SLCO6A1: variants seen among roughly 807,000 people sequenced by gnomAD.
SLCO6A1 encodes solute carrier organic anion transporter family member 6A1, also known as cancer/testis antigen 48.
A neutral mutation model predicts 72.7 loss-of-function variants in SLCO6A1; 65 were observed. The ratio of observed to expected loss-of-function variants is 0.89; its 90% CI spans 0.73 to 1.10. The LOEUF is 1.10. Among genes scored for constraint, SLCO6A1 ranks in the 50% least tolerant of loss-of-function variants. The probability of loss-of-function intolerance (pLI) is 0.00; values close to 1 mark genes in which losing one functional copy is unlikely to be tolerated. For missense variants in SLCO6A1, 874 were observed against 872.6 expected, an observed-to-expected ratio of 1.00 and a Z score of -0.02; for synonymous variants, 314 against 298.2, an observed-to-expected ratio of 1.05 and a Z score of -0.55.
chr5:102,485,177 G>A (rs1255849606), intron 1 of SLCO6A1, among the ~76,000 whole-genome samples: 3 of 152,004 alleles, frequency 2.0e-5, no homozygotes, highest in Non-Finnish European at 4.4e-5. Flanking sequence ...TTTGAACCTG[G>A]GAGGCGGAGG....
intron 6 of SLCO6A1, among the ~76,000 whole-genome samples, chr5:102,451,674 G>T (rs1750426478): frequency 6.6e-6 from 1 of 152,162 alleles, no homozygotes; most frequent in South Asian, 2.1e-4. Context: ...CCTCCGTGGG[G>T]AGCCTACCAT....
intron 6 of SLCO6A1, among the ~76,000 whole-genome samples, chr5:102,442,514 A>T (rs1284371332): frequency 1.3e-5 from 2 of 152,252 alleles, no homozygotes; most frequent in Admixed American, 1.3e-4. Context: ...CTTAATTTAT[A>T]AAATTAAAGG....
intron 1 of SLCO6A1, 45 bp from the exon 2 acceptor site, chr5:102,480,479 A>G: frequency 6.4e-7 from 1 of 1,557,512 alleles, no homozygotes; most frequent in Non-Finnish European, 8.7e-7. Flanking sequence ...ATGCATTTTA[A>G]GAGGTCATTA....
chr5:102,398,731 A>G (rs1326541308), intron 10 of SLCO6A1, among the ~76,000 whole-genome samples: 1 of 152,104 alleles, frequency 6.6e-6, no homozygotes, highest in Admixed American at 6.6e-5. Context: ...TTATCATGCT[A>G]TCCTGTCATA....
At position 102,458,375 on chromosome 5, in the gene SLCO6A1, A is replaced by G; in HGVS notation, c.1131+7T>C. The G allele has an allele frequency of 6.3e-7, 1 of 1,582,450 alleles. No homozygotes were observed. The highest frequency in any genetic ancestry group is 8.6e-7 in the Non-Finnish European group (1 of 1,157,766). On this transcript the variant is annotated splice_region_variant and intron_variant, in intron 6 of 13. Coordinates refer to ENST00000506729, the MANE Select transcript of SLCO6A1 (RefSeq NM_173488.5). Reference sequence around the variant, plus strand: ...TTGGATTGTTCAAGTAAAATATTTTACTTTACCCAAAGAGCAGCACATAAA... The same window carrying G: ...TTGGATTGTTCAAGTAAAATATTTTGCTTTACCCAAAGAGCAGCACATAAA...
chr5:102,451,464 G>A (rs1344391387), intron 6 of SLCO6A1, among the ~76,000 whole-genome samples: 2 of 152,188 alleles, frequency 1.3e-5, no homozygotes, highest in African/African-American at 4.8e-5. Flanking sequence ...ACAGCTGCTA[G>A]CATAGGGGTG....
intron 6 of SLCO6A1, among the ~76,000 whole-genome samples, chr5:102,443,757 A>G (rs183314092): frequency 6.6e-6 from 1 of 152,360 alleles, no homozygotes; most frequent in East Asian, 1.9e-4. Flanking sequence ...TGCATTTTAA[A>G]AAGTCTATTT....
intron 10 of SLCO6A1, among the ~76,000 whole-genome samples, chr5:102,397,097 T>C (rs975759485): frequency 6.6e-6 from 1 of 152,172 alleles, no homozygotes; most frequent in South Asian, 2.1e-4. Context: ...GATTGTTTCA[T>C]TTTTTAAGTT....
intron 4 of SLCO6A1, among the ~76,000 whole-genome samples, chr5:102,473,517 T>C (rs1162331692): frequency 1.3e-5 from 2 of 152,030 alleles, no homozygotes; most frequent in Non-Finnish European, 2.9e-5. Context: ...GTTAACATCA[T>C]ACTCAATGGT....
chr5:102,409,616 A>T (rs1206533516), intron 9 of SLCO6A1, among the ~76,000 whole-genome samples: 1 of 152,134 alleles, frequency 6.6e-6, no homozygotes, highest in East Asian at 1.9e-4. Flanking sequence ...CATTTTTCCT[A>T]GCAAGGCTAA....
At chr5:102,421,086 C>T (rs1369066621) in intron 7 of SLCO6A1, among the ~76,000 whole-genome samples, 5 of 152,118 alleles carry the variant, frequency 3.3e-5, no homozygotes, top group Admixed American at 3.3e-4. Flanking sequence ...GCTATCCGGC[C>T]CAGATACTAT....
At position 102,419,978 on chromosome 5, in the gene SLCO6A1, T is replaced by C; in HGVS notation, c.1320A>G (p.Gly440=). 1 of 1,587,746 alleles carries C rather than the reference T, an allele frequency of 6.3e-7. No individual in the cohort carries two copies. The highest frequency in any genetic ancestry group is 8.5e-7 in the Non-Finnish European group (1 of 1,172,832). The change falls in exon 8 of 14, where the codon GGA becomes GGG. Residue 440 remains glycine (G), a synonymous_variant. Coordinates refer to ENST00000506729, the MANE Select transcript of SLCO6A1 (RefSeq NM_173488.5). ...IPGGALGQLL[G]GVIVSTLEMS... ...TTTCTAATGTGGAAACAATGACACC[T>C]CCCAGAAGCTGGCCAAGTGCACCTC...
At chr5:102,393,077 C>A (rs551424877) in intron 10 of SLCO6A1, among the ~76,000 whole-genome samples, 2 of 152,184 alleles carry the variant, frequency 1.3e-5, no homozygotes, top group South Asian at 4.1e-4. Context: ...TTTTTCATAT[C>A]TCTTTTTTTA....
intron 1 of SLCO6A1, among the ~76,000 whole-genome samples, chr5:102,484,815 T>C (rs1205663337): frequency 6.6e-6 from 1 of 152,208 alleles, no homozygotes; most frequent in African/African-American, 2.4e-5. Flanking sequence ...ACCAGTTTCT[T>C]AGCCATACTA....
intron 9 of SLCO6A1, among the ~76,000 whole-genome samples, chr5:102,411,623 A>G (rs1747987151): frequency 6.6e-6 from 1 of 151,026 alleles, no homozygotes. Flanking sequence ...TCTTGCCCAA[A>G]CTCCTATCTA....
intron 7 of SLCO6A1, among the ~76,000 whole-genome samples, chr5:102,431,900 A>G (rs1187277332): frequency 1.3e-5 from 2 of 152,190 alleles, no homozygotes; most frequent in Non-Finnish European, 2.9e-5. Context: ...AATTTAATTT[A>G]TAAATCTGGT....
At chr5:102,452,130 T>C (rs1750447372) in intron 6 of SLCO6A1, among the ~76,000 whole-genome samples, 1 of 152,226 alleles carries the variant, frequency 6.6e-6, no homozygotes, top group East Asian at 1.9e-4. Flanking sequence ...TAATATTCAT[T>C]GACACTTCCT....
chr5:102,400,313 T>G (rs957186798), intron 9 of SLCO6A1, among the ~76,000 whole-genome samples: 1 of 151,938 alleles, frequency 6.6e-6, no homozygotes, highest in Middle Eastern at 3.2e-3. Flanking sequence ...TAATAATAAA[T>G]TATATAAAAT....
At chr5:102,377,903 T>C (rs1369148310) in intron 12 of SLCO6A1, among the ~76,000 whole-genome samples, 1 of 136,634 alleles carries the variant, frequency 7.3e-6, no homozygotes, top group African/African-American at 3.4e-5. Flanking sequence ...TAAACTCTTT[T>C]TTTTTTTTTT....
Sources: gnomAD v4.1 joint callset for allele counts (sites outside exome capture counted in the v4.1 genomes callset) on GRCh38, gnomAD v4.1.1 for gene constraint, MANE v1.5 for transcripts, NCBI Gene and HGNC (gene_info 2026-07-23, HGNC 2026-07-21) for gene names.